Variants in TBC1D32 observed in about 807,000 individuals in gnomAD.
TBC1D32 encodes protein broad-minded.
TBC1D32 carries 151 observed loss-of-function variants against 170.3 expected under a neutral mutation model. That is an observed-to-expected ratio of 0.89 (90% CI 0.78 to 1.01). The LOEUF is 1.01. TBC1D32 is among the 50% of genes least tolerant of loss of function. The pLI is 0.00. For synonymous variants in TBC1D32, 498 were observed against 488.0 expected (o/e 1.02, Z -0.27); for missense variants, 1,464 against 1,457.1 (o/e 1.00, Z -0.08).
chr6:121,211,477 C>T (rs1346680203), intron 21 of TBC1D32, among the ~76,000 whole-genome samples: 4 of 152,108 alleles, frequency 2.6e-5, no homozygotes, highest in Non-Finnish European at 2.9e-5. Context: ...CCTATCCTTT[C>T]CCATTGAGTC....
At chr6:121,148,690 T>G (rs1440028744) in intron 24 of TBC1D32, among the ~76,000 whole-genome samples, 1 of 152,140 alleles carries the variant, frequency 6.6e-6, no homozygotes, top group Admixed American at 6.5e-5. Flanking sequence ...CTCAGCTCAC[T>G]GCAGCCTCTG....
At chr6:121,186,088 C>A (rs922715536) in intron 22 of TBC1D32, among the ~76,000 whole-genome samples, 1 of 152,018 alleles carries the variant, frequency 6.6e-6, no homozygotes, top group African/African-American at 2.4e-5. Flanking sequence ...TGAAGCGTAG[C>A]GAGAAAGTTG....
chr6:121,327,546 T>C (rs1045989332), intron 1 of TBC1D32, among the ~76,000 whole-genome samples: 2 of 152,200 alleles, frequency 1.3e-5, no homozygotes, highest in African/African-American at 4.8e-5. Context: ...AAAAGGCCCT[T>C]ATACTTATCC....
At chr6:121,259,364 C>T (rs1799470584) in intron 15 of TBC1D32, among the ~76,000 whole-genome samples, 1 of 151,852 alleles carries the variant, frequency 6.6e-6, no homozygotes, top group Admixed American at 6.6e-5. Context: ...AATTTGACTA[C>T]ATGTAAATTA....
chr6:121,221,828 A>C (rs1172369491), intron 21 of TBC1D32, among the ~76,000 whole-genome samples: 2 of 152,246 alleles, frequency 1.3e-5, no homozygotes, highest in Non-Finnish European at 2.9e-5. Context: ...AACACTGTTG[A>C]AATAACAACA....
chr6:121,184,335 G>C (rs1045311277), intron 22 of TBC1D32, among the ~76,000 whole-genome samples: 5 of 151,882 alleles, frequency 3.3e-5, no homozygotes, highest in African/African-American at 7.3e-5. Context: ...CAGAGGGTAA[G>C]TAATCCATAA....
intron 22 of TBC1D32, among the ~76,000 whole-genome samples, chr6:121,178,801 G>A (rs1233508305): frequency 6.6e-6 from 1 of 152,216 alleles, no homozygotes; most frequent in Non-Finnish European, 1.5e-5. Flanking sequence ...ACAGCTGTAA[G>A]AAAGGACCTC....
At chr6:121,186,588 C>G (rs1353943596) in intron 22 of TBC1D32, among the ~76,000 whole-genome samples, 1 of 151,966 alleles carries the variant, frequency 6.6e-6, no homozygotes, top group Non-Finnish European at 1.5e-5. Context: ...ACTAACTAAC[C>G]ATATTTTAAA....
chr6:121,097,650 C>A (rs1777576972), intron 30 of TBC1D32, among the ~76,000 whole-genome samples: 1 of 152,052 alleles, frequency 6.6e-6, no homozygotes, highest in Non-Finnish European at 1.5e-5. Context: ...CCTCAAGGAT[C>A]TAGAACTAGA....
intron 20 of TBC1D32, among the ~76,000 whole-genome samples, chr6:121,237,611 T>G (rs1424744033): frequency 1.3e-5 from 2 of 152,024 alleles, no homozygotes; most frequent in Non-Finnish European, 1.5e-5. Context: ...TCAAGTTCAC[T>G]ACTTCTTCTA....
intron 21 of TBC1D32, among the ~76,000 whole-genome samples, chr6:121,213,564 A>G (rs1381181748): frequency 2.1e-5 from 3 of 141,966 alleles, no homozygotes; most frequent in Non-Finnish European, 4.5e-5. Flanking sequence ...AAAATAAAAT[A>G]AAATACCTAG....
At chr6:121,281,836 C>A in intron 13 of TBC1D32, 150 bp from the exon 14 acceptor site, 2 of 537,354 alleles carry the variant, frequency 3.7e-6, no homozygotes, top group Non-Finnish European at 6.2e-6. Context: ...AGATGTACTA[C>A]CAAATTATAA....
At chr6:121,325,630 G>A (rs1156445703) in intron 1 of TBC1D32, among the ~76,000 whole-genome samples, 1 of 152,152 alleles carries the variant, frequency 6.6e-6, no homozygotes, top group African/African-American at 2.4e-5. Context: ...AACTCAAGAT[G>A]AATTGAAGAC....
intron 21 of TBC1D32, among the ~76,000 whole-genome samples, chr6:121,208,738 A>AAAAAAAAC (rs1026799891): frequency 2.0e-5 from 3 of 150,848 alleles, no homozygotes; most frequent in Non-Finnish European, 4.4e-5. Context: ...GGAAAAAAAA[A>AAAAAAAAC]AAAAAAAAAC....
chr6:121,118,461 TTA>T (rs1444585466), intron 26 of TBC1D32, among the ~76,000 whole-genome samples: 2 of 152,190 alleles, frequency 1.3e-5, no homozygotes, highest in Non-Finnish European at 2.9e-5. Flanking sequence ...TTGACAAAAT[TTA>T]TGTCACATGA....
chr6:121,135,992 G>C (rs1256543757), intron 24 of TBC1D32, among the ~76,000 whole-genome samples: 1 of 152,018 alleles, frequency 6.6e-6, no homozygotes, highest in African/African-American at 2.4e-5. Flanking sequence ...ACAAAATTTA[G>C]CACTCAATGT....
chr6:121,303,513 A>T, intron 9 of TBC1D32, 104 bp downstream of exon 9: 1 of 968,740 alleles, frequency 1.0e-6, no homozygotes, highest in East Asian at 3.1e-5. Context: ...TAACACATGT[A>T]AAAGTGATTA....
At position 121,079,891 on chromosome 6, in the gene TBC1D32, A is replaced by C. The variant is rs1439728977; in HGVS notation, c.*880T>G. ...TATCTCTTCAATGAACCATGTAAAGACTTCATTTCAAACAAAGAATTATAA... is the reference window on the plus strand; with the variant it reads ...TATCTCTTCAATGAACCATGTAAAGCCTTCATTTCAAACAAAGAATTATAA... On this transcript the variant is annotated 3_prime_UTR_variant, in exon 32 of 32. Transcript: ENST00000398212. 1 of 152,196 alleles carries C rather than the reference A, an allele frequency of 6.6e-6. No homozygotes were observed. The highest frequency in any genetic ancestry group is 1.5e-5 in the Non-Finnish European group (1 of 68,036). 9.4% of individuals were successfully genotyped at this position (152,196 alleles called of 1,614,324 possible).
At chr6:121,202,440 T>C (rs1583197985) in intron 22 of TBC1D32, among the ~76,000 whole-genome samples, 1 of 150,950 alleles carries the variant, frequency 6.6e-6, no homozygotes, top group East Asian at 1.9e-4. Flanking sequence ...AAGAATTCAC[T>C]AGATTCATTA....
Sources: allele counts gnomAD v4.1 joint callset (sites outside exome capture counted in the v4.1 genomes callset), GRCh38; gene constraint gnomAD v4.1.1; transcripts MANE v1.5; gene names NCBI Gene and HGNC (gene_info 2026-07-23, HGNC 2026-07-21).